Variants in TPD52L1 observed in about 807,000 individuals in gnomAD.
TPD52L1 encodes tumor protein D53.
TPD52L1 carries 18 observed loss-of-function variants against 28.7 expected under a neutral mutation model. The ratio of observed to expected loss-of-function variants is 0.63; its 90% CI spans 0.43 to 0.93. The LOEUF is 0.93. Ranked by LOEUF, TPD52L1 falls within the 40% of genes least tolerant of loss-of-function variation. The probability of loss-of-function intolerance (pLI) is 0.00; values close to 1 mark genes in which losing one functional copy is unlikely to be tolerated. For missense variants in TPD52L1, 203 were observed against 254.8 expected (o/e 0.80, Z 1.39); for synonymous variants, 75 against 88.8 (o/e 0.84, Z 0.88).
chr6:125,173,493 TC>T (rs996907817), intron 1 of TPD52L1, among the ~76,000 whole-genome samples: 1 of 152,186 alleles, frequency 6.6e-6, no homozygotes, highest in African/African-American at 2.4e-5. Context: ...CAGCTTCTGA[TC>T]TTGGTTTCAC....
intron 1 of TPD52L1, among the ~76,000 whole-genome samples, chr6:125,185,363 C>T (rs1475774042): frequency 1.3e-5 from 2 of 152,076 alleles, no homozygotes; most frequent in Non-Finnish European, 2.9e-5. Flanking sequence ...TGCCATGAAA[C>T]ATTTAGAAAA....
At position 125,154,012 on chromosome 6, in the gene TPD52L1, G is replaced by T. The variant is rs775923447; in HGVS notation, c.19+42G>T. 20 of 1,583,502 alleles carry T rather than the reference G, an allele frequency of 1.3e-5. No individual in the cohort carries two copies. In the South Asian group the frequency reaches 2.2e-4, roughly 17 times the overall value. ...CGCCCCGAGAGTCAGGTCCTGGGGC[G>T]CGCATAAAGGCTCTTTTCCTGCACC... On this transcript the variant is annotated intron_variant, in intron 1 of 6. Coordinates refer to ENST00000534000, the MANE Select transcript of TPD52L1 (RefSeq NM_003287.4).
intron 4 of TPD52L1, among the ~76,000 whole-genome samples, chr6:125,249,719 A>G (rs371977673): frequency 6.6e-6 from 1 of 150,998 alleles, no homozygotes; most frequent in South Asian, 2.1e-4. Flanking sequence ...AAGAAGGAAA[A>G]GCTTTGACAC....
At chr6:125,255,273 A>C (rs1204579803) in intron 5 of TPD52L1, among the ~76,000 whole-genome samples, 2 of 152,230 alleles carry the variant, frequency 1.3e-5, no homozygotes, top group Non-Finnish European at 2.9e-5. Context: ...ACATATACCC[A>C]TGAACCATTT....
chr6:125,163,652 G>A (rs1349476157), intron 1 of TPD52L1, among the ~76,000 whole-genome samples: 23 of 151,026 alleles, frequency 1.5e-4, no homozygotes, highest in East Asian at 5.8e-4. Context: ...CAGGCCGGGC[G>A]TGGTGGCTTA....
intron 3 of TPD52L1, among the ~76,000 whole-genome samples, chr6:125,233,865 T>C (rs1796101833): frequency 6.6e-6 from 1 of 152,246 alleles, no homozygotes; most frequent in Non-Finnish European, 1.5e-5. Flanking sequence ...ACATGTCAAG[T>C]GGACTTTGCA....
chr6:125,199,578 G>A (rs1258821261), intron 1 of TPD52L1, among the ~76,000 whole-genome samples: 1 of 152,116 alleles, frequency 6.6e-6, no homozygotes, highest in Non-Finnish European at 1.5e-5. Context: ...CCAGCTACTT[G>A]GGAGGCTGAG....
intron 1 of TPD52L1, among the ~76,000 whole-genome samples, chr6:125,191,626 T>C (rs200279100): frequency 6.6e-6 from 1 of 152,142 alleles, no homozygotes; most frequent in South Asian, 2.1e-4. Context: ...TTCATCAAAA[T>C]AGAGAAACAG....
At chr6:125,232,136 A>G (rs1457552574) in intron 3 of TPD52L1, among the ~76,000 whole-genome samples, 2 of 152,214 alleles carry the variant, frequency 1.3e-5, no homozygotes, top group South Asian at 2.1e-4. Flanking sequence ...CTGCATATAG[A>G]TAACATCGAA....
At chr6:125,252,269 T>C in intron 4 of TPD52L1, 1 of 481,054 alleles carries the variant, frequency 2.1e-6, no homozygotes, top group Non-Finnish European at 3.6e-6. Context: ...CTTGCTGAGC[T>C]CTCTCTCAGG....
chr6:125,176,360 A>G (rs1057433506), intron 1 of TPD52L1, among the ~76,000 whole-genome samples: 3 of 152,168 alleles, frequency 2.0e-5, no homozygotes, highest in Non-Finnish European at 4.4e-5. Flanking sequence ...TGAATGTGCC[A>G]TCTCCCCAAG....
intron 1 of TPD52L1, among the ~76,000 whole-genome samples, chr6:125,160,369 A>C (rs1790438317): frequency 6.6e-6 from 1 of 152,128 alleles, no homozygotes; most frequent in Non-Finnish European, 1.5e-5. Flanking sequence ...TTGTATTTGC[A>C]TTTTCATAGA....
intron 1 of TPD52L1, among the ~76,000 whole-genome samples, chr6:125,219,387 G>T (rs1795078755): frequency 6.6e-6 from 1 of 152,206 alleles, no homozygotes; most frequent in South Asian, 2.1e-4. Context: ...GCCAGAGTCA[G>T]TTTGTCAGTG....
intron 1 of TPD52L1, among the ~76,000 whole-genome samples, chr6:125,178,170 T>C (rs897296745): frequency 2.0e-5 from 3 of 152,228 alleles, no homozygotes; most frequent in Non-Finnish European, 4.4e-5. Flanking sequence ...TTCTATGATT[T>C]TGCTTTATTT....
At chr6:125,228,020 A>T (rs1028327020) in intron 2 of TPD52L1, among the ~76,000 whole-genome samples, 1 of 152,224 alleles carries the variant, frequency 6.6e-6, no homozygotes, top group Non-Finnish European at 1.5e-5. Context: ...TCAATAGAAT[A>T]CTACTCTGCA....
intron 1 of TPD52L1, among the ~76,000 whole-genome samples, chr6:125,213,001 A>G (rs1794620003): frequency 6.6e-6 from 1 of 152,154 alleles, no homozygotes; most frequent in Admixed American, 6.5e-5. Context: ...TATTAAAACA[A>G]TTCTATATAT....
chr6:125,232,287 A>G (rs1020638649), intron 3 of TPD52L1, among the ~76,000 whole-genome samples: 1 of 152,202 alleles, frequency 6.6e-6, no homozygotes, highest in Non-Finnish European at 1.5e-5. Context: ...GCATAAGTCT[A>G]TCAACCATAT....
intron 3 of TPD52L1, among the ~76,000 whole-genome samples, chr6:125,235,241 A>G (rs1796194056): frequency 6.6e-6 from 1 of 151,962 alleles, no homozygotes; most frequent in Admixed American, 6.6e-5. Context: ...GATCAAGTTC[A>G]ATCAGGATGC....
At chr6:125,168,831 C>T (rs1187293534) in intron 1 of TPD52L1, among the ~76,000 whole-genome samples, 1 of 152,092 alleles carries the variant, frequency 6.6e-6, no homozygotes, top group East Asian at 1.9e-4. Flanking sequence ...TATCCCTTCT[C>T]CCATACTGAG....
Sources: allele counts gnomAD v4.1 joint callset (sites outside exome capture counted in the v4.1 genomes callset), GRCh38; gene constraint gnomAD v4.1.1; transcripts MANE v1.5; gene names NCBI Gene and HGNC (gene_info 2026-07-23, HGNC 2026-07-21).